The following RARA variants were observed in gnomAD, a reference collection of about 807,000 sequenced individuals.
The protein encoded by RARA is PML-DDX5-RARA fusion.
Under a neutral mutation model 42.8 loss-of-function variants are expected in RARA, and 5 were observed. The ratio of observed to expected loss-of-function variants is 0.12; its 90% CI spans 0.06 to 0.25. RARA has a LOEUF of 0.25. RARA is among the 10% of genes least tolerant of loss of function. The pLI, the probability that RARA is intolerant of heterozygous loss-of-function variation, is 1.00. For synonymous variants in RARA, 256 were observed against 259.5 expected (o/e 0.99, Z 0.13); for missense variants, 402 against 628.7 (o/e 0.64, Z 3.86).
Position 40,331,471 on chromosome 17 carries a change from A to G in RARA, c.178+75A>G. 4.0e-6 allele frequency: 6 copies of G among 1,488,106 alleles called. 1 individual carries two copies. In the South Asian group the frequency reaches 7.7e-5, roughly 19 times the overall value. The allele number at this position is 1,488,106 out of a possible 1,614,324, so 92.2% of individuals were successfully genotyped here. A position where few individuals can be genotyped will look rare whatever the true frequency, so the allele number is the denominator to read the frequency against. ...AGGCCTCAGAGCTTGGGCTCTGGGCACGTCTGTTCTGCTGTGAGTGGAAGG... is the reference window on the plus strand; with the variant it reads ...AGGCCTCAGAGCTTGGGCTCTGGGCGCGTCTGTTCTGCTGTGAGTGGAAGG... On this transcript the variant is annotated intron_variant, in intron 2 of 8. Coordinates refer to ENST00000254066, the MANE Select transcript of RARA (RefSeq NM_000964.4).
chr17:40,322,067 TA>T (rs1224454203), intron 1 of RARA, among the ~76,000 whole-genome samples: 1 of 151,914 alleles, frequency 6.6e-6, no homozygotes, highest in Non-Finnish European at 1.5e-5. Flanking sequence ...TTTAATTGCC[TA>T]AAAACTGGGA....
At position 40,349,794 on chromosome 17, in the gene RARA, G is replaced by A. The variant is rs2143473330; in HGVS notation, c.338G>A (p.Arg113His). The change falls in exon 4 of 9, where the codon CGC (arginine) becomes CAC (histidine). Residue 113 changes from arginine (R) to histidine (H), a missense_variant. Transcript: ENST00000254066. The part of the protein sequence containing the change: ...SACEGCKGFF[R>H]RSIQKNMVYT... The stretch of plus-strand genomic sequence containing the variant: ...CCCCTCCATACCCAGGGCTTCTTCC[G>A]CCGCAGCATCCAGAAGAACATGGTG... The A allele has an allele frequency of 1.2e-6, 2 of 1,614,058 alleles. No homozygotes were observed. The highest frequency in any genetic ancestry group is 1.7e-6 in the Non-Finnish European group (2 of 1,179,968).
chr17:40,327,704 G>A (rs747666993), intron 1 of RARA, among the ~76,000 whole-genome samples: 5 of 152,108 alleles, frequency 3.3e-5, no homozygotes, highest in South Asian at 2.1e-4. Context: ...GGCTGCAGGC[G>A]TGCTCTTGCC....
chr17:40,321,551 A>G (rs1430106237), intron 1 of RARA, among the ~76,000 whole-genome samples: 1 of 152,182 alleles, frequency 6.6e-6, no homozygotes, highest in African/African-American at 2.4e-5. Context: ...TAGACCCTCC[A>G]GCACACATCA....
chr17:40,347,731 A>G (rs2143452338), intron 2 of RARA, among the ~76,000 whole-genome samples: 1 of 148,482 alleles, frequency 6.7e-6, no homozygotes, highest in Middle Eastern at 3.4e-3. Flanking sequence ...TGTGCCCAGC[A>G]TTTGTGACTC....
chr17:40,321,936 C>A (rs971503622), intron 1 of RARA, among the ~76,000 whole-genome samples: 7 of 152,184 alleles, frequency 4.6e-5, no homozygotes, highest in African/African-American at 1.7e-4. Context: ...TGCCTGATGA[C>A]CCCCACCCCC....
intron 1 of RARA, among the ~76,000 whole-genome samples, chr17:40,327,741 A>G (rs1292718681): frequency 7.2e-5 from 11 of 152,194 alleles, no homozygotes. Flanking sequence ...GTAGACCTGC[A>G]TGCATGAGTT....
At chr17:40,319,863 G>A (rs2033327077) in intron 1 of RARA, among the ~76,000 whole-genome samples, 1 of 152,266 alleles carries the variant, frequency 6.6e-6, no homozygotes, top group East Asian at 1.9e-4. Context: ...GAAGGAACAA[G>A]AGAAAAAATA....
chr17:40,331,058 T>G lies in RARA; in HGVS notation c.-161T>G, dbSNP rs551496545. On this transcript the variant is annotated 5_prime_UTR_variant, in exon 2 of 9. In the 5' UTR this introduces an upstream ATG that the reference lacks. Transcript: ENST00000254066. ...GGTGGGGGCTCCAGGAGACTGAGAT[T>G]AGCCTGCCCTCTTTGGACAGCAGCT... is the stretch of plus-strand genomic sequence containing the variant. 14 of 795,420 alleles carry G rather than the reference T, an allele frequency of 1.8e-5. No individual in the cohort carries two copies. The African/African-American group carries it at 2.1e-4, about 12-fold the overall frequency. The allele number at this position is 795,420 out of a possible 1,614,324, so 49.3% of individuals were successfully genotyped here.
chr17:40,332,873 T>C (rs1481907826), intron 2 of RARA, among the ~76,000 whole-genome samples: 1 of 152,144 alleles, frequency 6.6e-6, no homozygotes, highest in African/African-American at 2.4e-5. Flanking sequence ...GGTCCTATAG[T>C]CTGTGTTAGT....
chr17:40,338,559 C>T (rs1479357318), intron 2 of RARA, among the ~76,000 whole-genome samples: 1 of 152,024 alleles, frequency 6.6e-6, no homozygotes, highest in Non-Finnish European at 1.5e-5. Context: ...AGCAAGACTT[C>T]TGGCTGGGCA....
chr17:40,347,556 T>A (rs1291815403), intron 2 of RARA, among the ~76,000 whole-genome samples: 3 of 152,030 alleles, frequency 2.0e-5, no homozygotes, highest in Non-Finnish European at 4.4e-5. Context: ...AACCCGGACA[T>A]AGTATTGAGG....
rs2034497535 is a variant in RARA, at chr17:40,352,832, T to C, written c.807+325T>C. 6.6e-6 allele frequency among the ~76,000 whole-genome samples: 1 copy of C among 152,116 alleles called. No homozygotes were observed. The highest frequency in any genetic ancestry group is 2.1e-4 in the South Asian group (1 of 4,830). On this transcript the variant is annotated intron_variant, in intron 6 of 8. Transcript: ENST00000254066. This position sits in a 1 kb window ranked among gnomAD's most constrained non-coding sequence, Gnocchi z 4.9. ...GCTCATACCTGTAATCCCAGCACTT[T>C]GGGAGGCCGAGCGAGGCAGGAGGAT...
chr17:40,315,615 C>A (rs2033197828), intron 1 of RARA, among the ~76,000 whole-genome samples: 1 of 152,124 alleles, frequency 6.6e-6, no homozygotes, highest in African/African-American at 2.4e-5. Context: ...AATTGCTTCT[C>A]ATCATCTCTT....
rs1429785477 is a variant in RARA, at chr17:40,354,964, G to A, written c.1013-299G>A. On this transcript the variant is annotated intron_variant, in intron 7 of 8. Transcript: ENST00000254066. This position sits in a 1 kb window ranked among gnomAD's most constrained non-coding sequence, Gnocchi z 4.5. ...CATCTGGTTTCCAGAATAACAGGGG[G>A]GAGTGGGAGCCTGCCTGGGAACCCT... Among the ~76,000 whole-genome samples, 1 of 152,182 alleles carries A rather than the reference G, an allele frequency of 6.6e-6. No homozygotes were observed. Among genetic ancestry groups the A allele is most frequent in the African/African-American group, 2.4e-5 (1 of 41,432 alleles).
intron 1 of RARA, among the ~76,000 whole-genome samples, chr17:40,327,862 C>T (rs1027629224): frequency 2.6e-5 from 4 of 152,200 alleles, no homozygotes. Flanking sequence ...TGTGGGGCCC[C>T]ACAGGAGTTG....
At chr17:40,332,954 C>T (rs1427774041) in intron 2 of RARA, among the ~76,000 whole-genome samples, 1 of 152,228 alleles carries the variant, frequency 6.6e-6, no homozygotes, top group Non-Finnish European at 1.5e-5. Flanking sequence ...GTAGAATATT[C>T]ACTGCATTTA....
In RARA at chr17:40,355,278, A is replaced by G. The variant is rs2143538326; in HGVS notation, c.1028A>G (p.Glu343Gly). 6.3e-7 allele frequency: 1 copy of G among 1,582,398 alleles called. No individual in the cohort carries two copies. The highest frequency in any genetic ancestry group is 8.6e-7 in the Non-Finnish European group (1 of 1,163,764). ...GCTTCCTCAGACCGCCAGGACCTGG[A>G]GCAGCCGGACCGGGTGGACATGCTG... is the stretch of plus-strand genomic sequence containing the variant. ...CLICGDRQDL[E>G]QPDRVDMLQE... The change falls in exon 8 of 9, where the codon GAG becomes GGG. Residue 343 changes from glutamate (E) to glycine (G), a missense_variant. Glu to Gly is a moderately conservative substitution (Grantham distance 98). This residue lies in a region of RARA where 104 missense variants were observed against 160.1 expected (regional missense o/e 0.65). Transcript: ENST00000254066. This position sits in a 1 kb window ranked among gnomAD's most constrained non-coding sequence, Gnocchi z 4.1.
At chr17:40,342,157 G>A in intron 2 of RARA, 1 of 1,050,128 alleles carries the variant, frequency 9.5e-7, no homozygotes, top group Non-Finnish European at 1.2e-6. Context: ...GGGGTGGGGG[G>A]GCCGTGGCGC....
Sources: allele counts gnomAD v4.1 joint callset (sites outside exome capture counted in the v4.1 genomes callset), GRCh38; gene constraint gnomAD v4.1.1; regional missense constraint gnomAD v4.1.1; non-coding constraint Gnocchi (gnomAD v3.1); transcripts MANE v1.5; gene names NCBI Gene and HGNC (gene_info 2026-07-23, HGNC 2026-07-21).